The following ANKRD17 variants were observed in gnomAD, a reference collection of about 807,000 sequenced individuals.
ANKRD17 encodes the protein ankyrin repeat domain-containing protein 17.
In ANKRD17, 19 loss-of-function variants were observed where a neutral mutation model predicts 229.7. The observed-to-expected ratio is 0.08, with a 90% CI of 0.06 to 0.12. ANKRD17 has a LOEUF of 0.12. Among genes scored for constraint, ANKRD17 ranks in the 10% least tolerant of loss-of-function variants. ANKRD17 has a pLI of 1.00. For synonymous variants in ANKRD17, 1,112 were observed against 1,146.1 expected, an observed-to-expected ratio of 0.97 and a Z score of 0.60; for missense variants, 2,176 against 3,176.8, an observed-to-expected ratio of 0.68 and a Z score of 7.57.
intron 30 of ANKRD17, 23 bp downstream of exon 30, chr4:73,085,226 G>GAATTACGGTGTAT: frequency 6.2e-7 from 1 of 1,608,688 alleles, no homozygotes; most frequent in Middle Eastern, 1.7e-4. Flanking sequence ...GATTCTTATG[G>GAATTACGGTGTAT]AATTACGGTG....
Position 73,085,437 on chromosome 4 carries a change from T to C in ANKRD17, c.6971A>G (p.Asn2324Ser), listed in dbSNP as rs558555519. ...TACAGAACCATATGGCGAGTCCATA[T>C]TGACAATACCTATAATGTAGAAGGT... Reference protein sequence around the residue: ...RPAPSPSGIVNMDSPYGSVTP... With the variant: ...RPAPSPSGIVSMDSPYGSVTP... Residue 2324 changes from asparagine (N) to serine (S), a missense_variant, in exon 30 of 34, where the codon AAT (asparagine) becomes AGT (serine). This residue lies in a region of ANKRD17 where 424 missense variants were observed against 454.0 expected (regional missense o/e 0.93). Transcript: ENST00000358602. The C allele has an allele frequency of 1.9e-6, 3 of 1,613,460 alleles. No individual in the cohort carries two copies. The highest frequency in any genetic ancestry group is 1.3e-5 in the African/African-American group (1 of 75,010).
At chr4:73,174,415 G>T (rs1307873814) in intron 2 of ANKRD17, among the ~76,000 whole-genome samples, 1 of 152,074 alleles carries the variant, frequency 6.6e-6, no homozygotes, top group Non-Finnish European at 1.5e-5. Flanking sequence ...AGCAAAACTG[G>T]CAGAGAAGGG....
Position 73,125,164 on chromosome 4 carries a change from C to A in ANKRD17, c.3346+37G>T, listed in dbSNP as rs371766641. The A allele has an allele frequency of 2.5e-6, 4 of 1,587,684 alleles. No individual in the cohort carries two copies. In the African/African-American group the frequency reaches 4.1e-5, roughly 16 times the overall value. ...TAATGTTCCTAAATAAATTTTTTGA[C>A]CAGTATTCCAAAAAATAAAACAAAA... On this transcript the variant is annotated intron_variant, in intron 17 of 33. Transcript: ENST00000358602.
In ANKRD17 at chr4:73,099,262, G is replaced by A. The variant is rs769085134; in HGVS notation, c.4574-742C>T. On this transcript the variant is annotated intron_variant, in intron 25 of 33. Coordinates refer to ENST00000358602, the MANE Select transcript of ANKRD17 (RefSeq NM_032217.5). ...CAGGCTCACCATCACCACTGCCTCCGGCTGCCACCCCCATCCTTCCACCTG... is the reference window on the plus strand; with the variant it reads ...CAGGCTCACCATCACCACTGCCTCCAGCTGCCACCCCCATCCTTCCACCTG... 43 of 517,964 alleles carry A rather than the reference G, an allele frequency of 8.3e-5. No individual in the cohort carries two copies. In the Middle Eastern group the frequency reaches 1.6e-3, roughly 19 times the overall value. The allele number at this position is 517,964 out of a possible 1,614,324, so 32.1% of individuals were successfully genotyped here. A position where few individuals can be genotyped will look rare whatever the true frequency, so the allele number is the denominator to read the frequency against.
chr4:73,249,189 G>C (rs1744763435), intron 1 of ANKRD17, among the ~76,000 whole-genome samples: 1 of 152,198 alleles, frequency 6.6e-6, no homozygotes, highest in African/African-American at 2.4e-5. Context: ...AGCTAATTAA[G>C]AGATGATCCA....
intron 7 of ANKRD17, among the ~76,000 whole-genome samples, chr4:73,149,824 G>A (rs950839930): frequency 3.3e-5 from 5 of 152,064 alleles, no homozygotes; most frequent in Non-Finnish European, 7.4e-5. Flanking sequence ...ATGATCATGC[G>A]ACTGCACTCC....
intron 2 of ANKRD17, among the ~76,000 whole-genome samples, chr4:73,176,315 G>A (rs1273517697): frequency 6.6e-6 from 1 of 152,148 alleles, no homozygotes; most frequent in Non-Finnish European, 1.5e-5. Context: ...TGCTGGAGAG[G>A]ATGTGGAGAT....
Position 73,091,251 on chromosome 4 carries a change from G to C in ANKRD17, c.6377C>G (p.Ser2126Cys), listed in dbSNP as rs771817535. The change falls in exon 29 of 34, where the codon TCT becomes TGT. Residue 2126 changes from serine to cysteine, a missense_variant. Around this residue, in one of 18 missense-constraint regions of ANKRD17, gnomAD observed 424 missense variants for 454.0 expected, o/e 0.93. Coordinates refer to ENST00000358602, the MANE Select transcript of ANKRD17 (RefSeq NM_032217.5). ...SQEPRPPLQQ[S>C]QVPPPEVRMT... ...TCTAACTTCCGGGGGAGGAACCTGA[G>C]ACTGCTGAAGAGGTGGTCTTGGTTC... 3.0e-5 allele frequency: 48 copies of C among 1,614,114 alleles called. No homozygotes were observed. The highest frequency in any genetic ancestry group is 3.3e-4 in the Middle Eastern group (2 of 6,084).
At chr4:73,170,568 C>T (rs761165041) in intron 2 of ANKRD17, among the ~76,000 whole-genome samples, 18 of 152,020 alleles carry the variant, frequency 1.2e-4, no homozygotes, top group Non-Finnish European at 1.9e-4. Flanking sequence ...AGAAAGTGGA[C>T]TCTCGGGGTC....
chr4:73,078,943 T>C, intron 30 of ANKRD17, 53 bp from the exon 31 acceptor site: 1 of 1,524,466 alleles, frequency 6.6e-7, no homozygotes, highest in South Asian at 1.3e-5. Context: ...GAACATGTAA[T>C]TTTATAAAAC....
chr4:73,243,540 T>G (rs527747618), intron 1 of ANKRD17, among the ~76,000 whole-genome samples: 5 of 152,214 alleles, frequency 3.3e-5, no homozygotes, highest in Non-Finnish European at 7.3e-5. Context: ...TGATAGTGGC[T>G]GGTTCAAGAA....
chr4:73,133,388 T>TG (rs1728480156), intron 16 of ANKRD17, among the ~76,000 whole-genome samples: 1 of 125,744 alleles, frequency 8.0e-6, no homozygotes, highest in East Asian at 2.4e-4. Flanking sequence ...GAATGTCTCG[T>TG]GTTTTTTTTT....
intron 27 of ANKRD17, 82 bp downstream of exon 27, chr4:73,097,035 T>C (rs573811573): frequency 6.8e-7 from 1 of 1,463,718 alleles, no homozygotes; most frequent in Admixed American, 2.4e-5. Flanking sequence ...TTTAGAAGAG[T>C]AGGAGGAATT....
intron 1 of ANKRD17, among the ~76,000 whole-genome samples, chr4:73,236,986 A>G (rs540948238): frequency 3.9e-5 from 6 of 152,270 alleles, no homozygotes; most frequent in South Asian, 4.1e-4. Context: ...ATACAAAGGC[A>G]TTGGGTTATT....
At chr4:73,238,033 A>T (rs374438253) in intron 1 of ANKRD17, among the ~76,000 whole-genome samples, 5 of 152,132 alleles carry the variant, frequency 3.3e-5, no homozygotes, top group African/African-American at 1.2e-4. Flanking sequence ...CTATAAATTC[A>T]ATAAGATAAC....
chr4:73,122,258 C>T (rs911637716), intron 18 of ANKRD17, among the ~76,000 whole-genome samples: 5 of 151,910 alleles, frequency 3.3e-5, no homozygotes, highest in Admixed American at 1.3e-4. Flanking sequence ...ATTTTAGGTC[C>T]CACCTACTGG....
At chr4:73,181,773 C>T (rs1399763669) in intron 1 of ANKRD17, among the ~76,000 whole-genome samples, 2 of 151,838 alleles carry the variant, frequency 1.3e-5, no homozygotes, top group East Asian at 3.9e-4. Flanking sequence ...TTGAGCTGGG[C>T]ACGGTGGCTC....
intron 29 of ANKRD17, among the ~76,000 whole-genome samples, chr4:73,090,004 A>G (rs1722631152): frequency 6.6e-6 from 1 of 152,234 alleles, no homozygotes; most frequent in South Asian, 2.1e-4. Context: ...TAAAAAAGAT[A>G]ATGCGAAATG....
intron 16 of ANKRD17, among the ~76,000 whole-genome samples, chr4:73,129,095 G>A (rs181969757): frequency 1.3e-5 from 2 of 152,202 alleles, no homozygotes; most frequent in East Asian, 1.9e-4. Flanking sequence ...AGAAAGTCCC[G>A]AACCTGAAAA....
Sources: allele counts gnomAD v4.1 joint callset (sites outside exome capture counted in the v4.1 genomes callset), GRCh38; gene constraint gnomAD v4.1.1; regional missense constraint gnomAD v4.1.1; transcripts MANE v1.5; gene names NCBI Gene and HGNC (gene_info 2026-07-23, HGNC 2026-07-21).